Variants in FHOD3 observed in about 807,000 individuals in gnomAD.
FHOD3 encodes formin homology 2 domain containing 3.
FHOD3 carries 90 observed loss-of-function variants against 173.0 expected under a neutral mutation model. The observed-to-expected ratio is 0.52, with a 90% CI of 0.44 to 0.62. The LOEUF (loss-of-function observed/expected upper bound fraction) is 0.62. Ranked by LOEUF, FHOD3 falls within the 20% of genes least tolerant of loss-of-function variation. The pLI is 0.00. For synonymous variants in FHOD3, 828 were observed against 823.0 expected (o/e 1.01, Z -0.10); for missense variants, 1,945 against 2,034.7 (o/e 0.96, Z 0.85).
chr18:36,777,226 G>A (rs1197641813), intron 28 of FHOD3, among the ~76,000 whole-genome samples: 19 of 124,504 alleles, frequency 1.5e-4, no homozygotes, highest in Admixed American at 1.5e-3. Context: ...TTTTTGAGAT[G>A]GGGCCTCGCT....
chr18:36,376,910 T>C (rs1174786110), intron 3 of FHOD3, among the ~76,000 whole-genome samples: 1 of 152,202 alleles, frequency 6.6e-6, no homozygotes, highest in Admixed American at 6.5e-5. Flanking sequence ...AGCCAGCCGA[T>C]TTAGGAGCAT....
chr18:36,450,157 G>A (rs926104696), intron 3 of FHOD3, among the ~76,000 whole-genome samples: 18 of 152,150 alleles, frequency 1.2e-4, no homozygotes, highest in Admixed American at 6.5e-4. Context: ...ACCTATGAGT[G>A]AGAACATACG....
intron 2 of FHOD3, among the ~76,000 whole-genome samples, chr18:36,364,523 C>G (rs1441903721): frequency 1.3e-5 from 2 of 152,200 alleles, no homozygotes; most frequent in Non-Finnish European, 2.9e-5. Flanking sequence ...TATTAGGTGA[C>G]AGCCAGTGGT....
chr18:36,522,465 A>ATATC (rs1425025681), intron 5 of FHOD3, among the ~76,000 whole-genome samples: 1 of 152,262 alleles, frequency 6.6e-6, no homozygotes, highest in Non-Finnish European at 1.5e-5. Context: ...AGGTGGATAT[A>ATATC]TATCTACTAG....
intron 10 of FHOD3, among the ~76,000 whole-genome samples, chr18:36,642,505 G>A (rs2035390372): frequency 6.9e-6 from 1 of 144,342 alleles, no homozygotes; most frequent in African/African-American, 2.6e-5. Flanking sequence ...TGTAGTTCCA[G>A]CTAGGAGGCG....
intron 3 of FHOD3, among the ~76,000 whole-genome samples, chr18:36,465,384 C>T (rs371713744): frequency 1.3e-5 from 2 of 152,124 alleles, no homozygotes; most frequent in Admixed American, 6.5e-5. Flanking sequence ...CAATGATGTT[C>T]GTGGCTGCCT....
intron 1 of FHOD3, among the ~76,000 whole-genome samples, chr18:36,350,726 T>A (rs1275984637): frequency 6.6e-6 from 1 of 152,200 alleles, no homozygotes; most frequent in African/African-American, 2.4e-5. Flanking sequence ...AGTTTTTCGC[T>A]CTGTAGGGAA....
At chr18:36,466,424 G>T (rs1432656347) in intron 3 of FHOD3, among the ~76,000 whole-genome samples, 1 of 152,150 alleles carries the variant, frequency 6.6e-6, no homozygotes, top group African/African-American at 2.4e-5. Flanking sequence ...TGGCTTGAAG[G>T]TCAGGGCTTT....
intron 3 of FHOD3, among the ~76,000 whole-genome samples, chr18:36,488,242 C>A (rs113578619): frequency 4.5e-4 from 68 of 152,292 alleles, no homozygotes; most frequent in African/African-American, 1.6e-3. Context: ...CTGGGTTGTT[C>A]CCTTTTGACC....
At chr18:36,433,574 A>G (rs953320156) in intron 3 of FHOD3, among the ~76,000 whole-genome samples, 1 of 152,246 alleles carries the variant, frequency 6.6e-6, no homozygotes, top group South Asian at 2.1e-4. Context: ...AGTGTGATCT[A>G]TAAATCACTG....
intron 1 of FHOD3, among the ~76,000 whole-genome samples, chr18:36,307,769 A>T (rs1241357400): frequency 6.6e-6 from 1 of 152,230 alleles, no homozygotes; most frequent in Non-Finnish European, 1.5e-5. Context: ...TTTCTCCCTT[A>T]TACAACAAAG....
chr18:36,613,175 G>A (rs951890785), intron 9 of FHOD3, among the ~76,000 whole-genome samples: 1 of 152,148 alleles, frequency 6.6e-6, no homozygotes, highest in Non-Finnish European at 1.5e-5. Context: ...TTCCAGTCCC[G>A]CAGAACTCCT....
chr18:36,517,992 A>T (rs896245192), intron 5 of FHOD3, among the ~76,000 whole-genome samples: 8 of 152,328 alleles, frequency 5.3e-5, no homozygotes, highest in Non-Finnish European at 1.2e-4. Flanking sequence ...AATATCATAG[A>T]TATCATGGAA....
chr18:36,461,364 T>C (rs1039379317), intron 3 of FHOD3, among the ~76,000 whole-genome samples: 2 of 152,184 alleles, frequency 1.3e-5, no homozygotes, highest in Admixed American at 6.5e-5. Flanking sequence ...TCTCACCCTT[T>C]TCTATTAGAT....
chr18:36,467,666 A>G (rs1005145640), intron 3 of FHOD3, among the ~76,000 whole-genome samples: 2 of 152,202 alleles, frequency 1.3e-5, no homozygotes, highest in South Asian at 2.1e-4. Context: ...TATAAAACCA[A>G]GAAAACACCC....
chr18:36,740,943 G>A, intron 21 of FHOD3, 105 bp downstream of exon 21: 1 of 1,100,896 alleles, frequency 9.1e-7, no homozygotes, highest in African/African-American at 1.6e-5. Flanking sequence ...TCTTGGCATA[G>A]GGTACGGAGG....
chr18:36,303,140 T>C (rs1303143477), intron 1 of FHOD3, among the ~76,000 whole-genome samples: 1 of 152,210 alleles, frequency 6.6e-6, no homozygotes, highest in Non-Finnish European at 1.5e-5. Flanking sequence ...GCTTTATTTA[T>C]CCTCACAACA....
chr18:36,702,836 G>A (rs900067407), intron 17 of FHOD3, among the ~76,000 whole-genome samples: 8 of 151,782 alleles, frequency 5.3e-5, no homozygotes, highest in African/African-American at 1.9e-4. Context: ...GTGTGCACGT[G>A]TGCGTACACG....
At chr18:36,598,727 T>C (rs1385794260) in intron 7 of FHOD3, among the ~76,000 whole-genome samples, 1 of 152,106 alleles carries the variant, frequency 6.6e-6, no homozygotes, top group Non-Finnish European at 1.5e-5. Context: ...TTTTTTGTAT[T>C]TTTAGTAGAG....
Sources: allele counts gnomAD v4.1 joint callset (sites outside exome capture counted in the v4.1 genomes callset), GRCh38; gene constraint gnomAD v4.1.1; transcripts MANE v1.5; gene names NCBI Gene and HGNC (gene_info 2026-07-23, HGNC 2026-07-21).